The following GRID2 variants were observed in gnomAD, a reference collection of about 807,000 sequenced individuals.
GRID2 encodes the protein glutamate ionotropic receptor delta type subunit 2.
In GRID2, 33 loss-of-function variants were observed where a neutral mutation model predicts 114.8. The observed-to-expected ratio is 0.29, with a 90% CI of 0.22 to 0.38. GRID2 has a LOEUF of 0.38. Ranked by LOEUF, GRID2 falls within the 10% of genes least tolerant of loss-of-function variation. GRID2 has a pLI of 1.00. For synonymous variants in GRID2, 505 were observed against 449.9 expected, an observed-to-expected ratio of 1.12 and a Z score of -1.55; for missense variants, 1,184 against 1,257.7, an observed-to-expected ratio of 0.94 and a Z score of 0.89.
At chr4:92,512,713 CTACCT>C (rs1325266624) in intron 1 of GRID2, among the ~76,000 whole-genome samples, 1 of 151,822 alleles carries the variant, frequency 6.6e-6, no homozygotes, top group East Asian at 1.9e-4. Context: ...TTTTCAGAAT[CTACCT>C]TAATAGATAT....
At chr4:92,585,225 A>G (rs1393916118) in intron 1 of GRID2, among the ~76,000 whole-genome samples, 1 of 151,942 alleles carries the variant, frequency 6.6e-6, no homozygotes, top group Non-Finnish European at 1.5e-5. Flanking sequence ...GGGTAGAGAG[A>G]GTGAGAGCAT....
intron 4 of GRID2, among the ~76,000 whole-genome samples, chr4:93,177,489 G>T (rs375673305): frequency 6.6e-6 from 1 of 152,014 alleles, no homozygotes; most frequent in Non-Finnish European, 1.5e-5. Flanking sequence ...AGAGAGCAAA[G>T]AAATCAAGAT....
At chr4:92,675,358 A>G (rs1733291836) in intron 2 of GRID2, among the ~76,000 whole-genome samples, 1 of 152,056 alleles carries the variant, frequency 6.6e-6, no homozygotes, top group Admixed American at 6.5e-5. Flanking sequence ...AACAATTCAA[A>G]ATTCAAAAAT....
At chr4:92,817,079 G>A (rs1046075752) in intron 2 of GRID2, among the ~76,000 whole-genome samples, 1 of 152,048 alleles carries the variant, frequency 6.6e-6, no homozygotes, top group Non-Finnish European at 1.5e-5. Flanking sequence ...GGACCCAGGA[G>A]TCACCATTAA....
intron 1 of GRID2, among the ~76,000 whole-genome samples, chr4:92,323,653 A>G (rs1726442913): frequency 6.6e-6 from 1 of 151,956 alleles, no homozygotes; most frequent in East Asian, 1.9e-4. Context: ...TCCACATGAA[A>G]CTGGCTTTGA....
chr4:92,377,060 G>T (rs558783263), intron 1 of GRID2, among the ~76,000 whole-genome samples: 1 of 152,076 alleles, frequency 6.6e-6, no homozygotes, highest in Non-Finnish European at 1.5e-5. Flanking sequence ...GCAAATTTCT[G>T]CAGCCTGCTT....
chr4:92,722,274 C>A (rs1045286434), intron 2 of GRID2, among the ~76,000 whole-genome samples: 2 of 152,078 alleles, frequency 1.3e-5, no homozygotes, highest in African/African-American at 2.4e-5. Context: ...GCTACAAACA[C>A]TTTAGAAGAG....
At chr4:93,137,753 C>A (rs1735394512) in intron 4 of GRID2, among the ~76,000 whole-genome samples, 1 of 152,010 alleles carries the variant, frequency 6.6e-6, no homozygotes, top group Non-Finnish European at 1.5e-5. Context: ...ATTATATCAT[C>A]TTCTGTAACA....
chr4:92,856,718 C>T (rs537602686), intron 2 of GRID2, among the ~76,000 whole-genome samples: 4 of 152,242 alleles, frequency 2.6e-5, no homozygotes, highest in African/African-American at 7.2e-5. Context: ...AGAAGTTATC[C>T]AAAATGTCAG....
At chr4:92,719,284 G>C (rs193009136) in intron 2 of GRID2, among the ~76,000 whole-genome samples, 255 of 152,158 alleles carry the variant, frequency 1.7e-3, no homozygotes, top group African/African-American at 6.0e-3. Flanking sequence ...ACTGTGCCTG[G>C]CCAAAAGACA....
At chr4:93,252,850 G>T (rs1290032763) in intron 8 of GRID2, among the ~76,000 whole-genome samples, 2 of 151,990 alleles carry the variant, frequency 1.3e-5, no homozygotes, top group Non-Finnish European at 2.9e-5. Context: ...GAGTTCATTT[G>T]TGATTTGGCT....
chr4:92,710,119 G>C (rs909544408), intron 2 of GRID2, among the ~76,000 whole-genome samples: 5 of 151,678 alleles, frequency 3.3e-5, no homozygotes, highest in African/African-American at 1.2e-4. Flanking sequence ...ATTAAAATTT[G>C]CCTTTGATAG....
At chr4:93,520,719 A>T (rs1245621569) in intron 13 of GRID2, among the ~76,000 whole-genome samples, 2 of 152,098 alleles carry the variant, frequency 1.3e-5, no homozygotes, top group Non-Finnish European at 2.9e-5. Context: ...CTTAATTGGT[A>T]AATGGAAGGC....
chr4:92,965,450 TAAA>T (rs869285420), intron 2 of GRID2, among the ~76,000 whole-genome samples: 5 of 85,766 alleles, frequency 5.8e-5, no homozygotes, highest in African/African-American at 1.8e-4. Flanking sequence ...ATTCAATTTG[TAAA>T]AAAAAAAAAA....
chr4:92,892,336 T>C (rs1411930728), intron 2 of GRID2, among the ~76,000 whole-genome samples: 1 of 152,190 alleles, frequency 6.6e-6, no homozygotes, highest in Non-Finnish European at 1.5e-5. Context: ...CTGGGGTAAA[T>C]GATGTTTTCA....
At chr4:92,953,873 G>C (rs912630911) in intron 2 of GRID2, among the ~76,000 whole-genome samples, 1 of 137,274 alleles carries the variant, frequency 7.3e-6, no homozygotes, top group Non-Finnish European at 1.5e-5. Context: ...TTTCACTTTT[G>C]CTTCTACAAA....
chr4:92,780,571 G>A (rs1422753648), intron 2 of GRID2, among the ~76,000 whole-genome samples: 2 of 152,098 alleles, frequency 1.3e-5, no homozygotes, highest in Non-Finnish European at 2.9e-5. Flanking sequence ...AAGAGGAAGT[G>A]TTTCTAATGA....
chr4:92,943,518 G>A (rs1006180734), intron 2 of GRID2, among the ~76,000 whole-genome samples: 9 of 152,080 alleles, frequency 5.9e-5, no homozygotes, highest in African/African-American at 2.2e-4. Context: ...TTTGCCATGG[G>A]TTCGAACTTC....
chr4:92,489,713 G>T (rs981382935), intron 1 of GRID2, among the ~76,000 whole-genome samples: 5 of 151,996 alleles, frequency 3.3e-5, no homozygotes, highest in Non-Finnish European at 7.4e-5. Flanking sequence ...AGCGGTGGTG[G>T]TGCGCGCCTG....
Sources: allele counts gnomAD v4.1 joint callset (sites outside exome capture counted in the v4.1 genomes callset), GRCh38; gene constraint gnomAD v4.1.1; transcripts MANE v1.5; gene names NCBI Gene and HGNC (gene_info 2026-07-23, HGNC 2026-07-21).